The following EPHB1 variants were observed in gnomAD, a reference collection of about 807,000 sequenced individuals.
EPHB1 encodes EPH receptor B1, also known as ephrin type-B receptor 1.
In EPHB1, 30 loss-of-function variants were observed where a neutral mutation model predicts 94.4. The observed-to-expected ratio is 0.32, with a 90% CI of 0.24 to 0.43. The LOEUF (loss-of-function observed/expected upper bound fraction) is 0.43. Among genes scored for constraint, EPHB1 ranks in the 20% least tolerant of loss-of-function variants. The probability of loss-of-function intolerance (pLI) is 1.00; values close to 1 mark genes in which losing one functional copy is unlikely to be tolerated. For missense variants in EPHB1, 1,055 were observed against 1,308.3 expected (o/e 0.81, Z 2.99); for synonymous variants, 522 against 489.1 (o/e 1.07, Z -0.89).
intron 4 of EPHB1, among the ~76,000 whole-genome samples, chr3:135,110,046 C>T (rs1939379736): frequency 6.6e-6 from 1 of 152,154 alleles, no homozygotes; most frequent in Non-Finnish European, 1.5e-5. Flanking sequence ...TTCTAGTTTA[C>T]TGGGGGACGA....
At chr3:135,013,206 G>A (rs1935678649) in intron 3 of EPHB1, among the ~76,000 whole-genome samples, 3 of 152,182 alleles carry the variant, frequency 2.0e-5, no homozygotes, top group Non-Finnish European at 2.9e-5. Flanking sequence ...TACCCCAAAT[G>A]TGAAAAAGGA....
At chr3:134,795,816 A>G (rs1476104589) in intron 1 of EPHB1, 127 bp downstream of exon 1, 1 of 1,079,606 alleles carries the variant, frequency 9.3e-7, no homozygotes, top group African/African-American at 1.7e-5. Context: ...GAGGGCAAGG[A>G]GGTTTGGGAG....
chr3:135,099,189 G>T (rs879759505), intron 3 of EPHB1, among the ~76,000 whole-genome samples: 3 of 152,078 alleles, frequency 2.0e-5, no homozygotes, highest in Non-Finnish European at 2.9e-5. Context: ...TCAATTAGCC[G>T]TAGAATGTGT....
rs950129866 is a variant in EPHB1, at chr3:134,866,185, G to A, written c.59-59631G>A. ...GCAAGAGGCTGGGAAAGCTGGACCA[G>A]CAGCTGAAGTCTGCTTCTGTCTACC... is the stretch of plus-strand genomic sequence containing the variant. On this transcript the variant is annotated intron_variant, in intron 1 of 15. Transcript: ENST00000398015. Among the ~76,000 whole-genome samples the A allele has an allele frequency of 3.9e-4, 59 of 152,246 alleles. 1 individual carries two copies. Among genetic ancestry groups the A allele is most frequent in the Non-Finnish European group, 7.3e-5 (5 of 68,038 alleles).
intron 1 of EPHB1, among the ~76,000 whole-genome samples, chr3:134,912,506 T>C (rs2038474661): frequency 6.6e-6 from 1 of 152,226 alleles, no homozygotes; most frequent in Non-Finnish European, 1.5e-5. Context: ...GGCATGCCTG[T>C]GTGGTTCTTT....
intron 3 of EPHB1, among the ~76,000 whole-genome samples, chr3:135,005,160 T>C (rs1935349049): frequency 6.6e-6 from 1 of 152,208 alleles, no homozygotes; most frequent in African/African-American, 2.4e-5. Flanking sequence ...TTTCTGTTTG[T>C]TAGTTTTCCT....
chr3:135,178,281 C>T (rs1942048824), intron 9 of EPHB1, among the ~76,000 whole-genome samples: 1 of 150,596 alleles, frequency 6.6e-6, no homozygotes, highest in South Asian at 2.1e-4. Context: ...GATGGTGGAA[C>T]CCCATTTGTA....
intron 5 of EPHB1, among the ~76,000 whole-genome samples, chr3:135,136,856 C>G (rs1940638116): frequency 6.6e-6 from 1 of 152,174 alleles, no homozygotes; most frequent in Non-Finnish European, 1.5e-5. Flanking sequence ...CATCCTTGCA[C>G]TGAATACAGC....
intron 2 of EPHB1, among the ~76,000 whole-genome samples, chr3:134,944,219 T>C (rs114506772): frequency 2.5e-3 from 376 of 152,342 alleles, no homozygotes; most frequent in Non-Finnish European, 4.5e-3. Flanking sequence ...ACAAAATATG[T>C]GGTCTTTTGA....
chr3:134,926,812 G>A (rs866665593), intron 2 of EPHB1, among the ~76,000 whole-genome samples: 1 of 152,164 alleles, frequency 6.6e-6, no homozygotes, highest in South Asian at 2.1e-4. Flanking sequence ...TTGAGAGAAA[G>A]GCATTTAAGA....
chr3:134,891,153 G>A (rs960335382), intron 1 of EPHB1, among the ~76,000 whole-genome samples: 4 of 152,058 alleles, frequency 2.6e-5, no homozygotes, highest in African/African-American at 9.7e-5. Context: ...TCACCCAGGC[G>A]GGAGTGCAAT....
intron 11 of EPHB1, among the ~76,000 whole-genome samples, chr3:135,193,323 G>A (rs1942510941): frequency 1.3e-5 from 2 of 152,240 alleles, no homozygotes; most frequent in Non-Finnish European, 2.9e-5. Flanking sequence ...TGCATCACAA[G>A]CATCCACGGG....
intron 9 of EPHB1, among the ~76,000 whole-genome samples, chr3:135,173,384 G>A (rs1453306691): frequency 1.3e-5 from 2 of 152,126 alleles, no homozygotes; most frequent in East Asian, 3.9e-4. Context: ...TCCTTCTTTG[G>A]GAGACAGATG....
intron 3 of EPHB1, among the ~76,000 whole-genome samples, chr3:134,969,330 C>A (rs7637367): frequency 6.6e-6 from 1 of 152,104 alleles, no homozygotes; most frequent in African/African-American, 2.4e-5. Context: ...TGAAGTGTCT[C>A]TTCTAGGTTT....
At chr3:135,042,815 T>G (rs1936892920) in intron 3 of EPHB1, among the ~76,000 whole-genome samples, 1 of 152,194 alleles carries the variant, frequency 6.6e-6, no homozygotes, top group African/African-American at 2.4e-5. Context: ...GACCTCTTCC[T>G]AAAACATGTA....
intron 3 of EPHB1, among the ~76,000 whole-genome samples, chr3:135,087,251 C>A (rs1406461445): frequency 6.6e-6 from 1 of 152,140 alleles, no homozygotes; most frequent in Non-Finnish European, 1.5e-5. Context: ...GAATCGAATA[C>A]CTGTCATCTT....
At chr3:135,105,493 G>A (rs1939181439) in intron 3 of EPHB1, among the ~76,000 whole-genome samples, 1 of 152,184 alleles carries the variant, frequency 6.6e-6, no homozygotes, top group Non-Finnish European at 1.5e-5. Context: ...AGGGTAGGCA[G>A]AATCAATCTT....
chr3:135,038,909 A>C (rs1409332814), intron 3 of EPHB1, among the ~76,000 whole-genome samples: 1 of 152,162 alleles, frequency 6.6e-6, no homozygotes, highest in Non-Finnish European at 1.5e-5. Flanking sequence ...CCCCACCCAC[A>C]TCCTGCTGAT....
Position 135,009,116 on chromosome 3 carries a change from A to G in EPHB1, c.805+57064A>G, listed in dbSNP as rs73864224. Among the ~76,000 whole-genome samples the G allele has an allele frequency of 5.2e-3, 785 of 152,278 alleles. 4 individuals carry two copies. Among genetic ancestry groups the G allele is most frequent in the African/African-American group, 0.018 (755 of 41,540 alleles). ...CTGGGAGGAATATGGATGCAGGAGC[A>G]GATGTGAGGGTAGTGATTAGAAACC... On this transcript the variant is annotated intron_variant, in intron 3 of 15. Coordinates refer to ENST00000398015, the MANE Select transcript of EPHB1 (RefSeq NM_004441.5).
Sources: allele counts gnomAD v4.1 joint callset (sites outside exome capture counted in the v4.1 genomes callset), GRCh38; gene constraint gnomAD v4.1.1; transcripts MANE v1.5; gene names NCBI Gene and HGNC (gene_info 2026-07-23, HGNC 2026-07-21).